Variants in UIMC1 observed in about 807,000 individuals in gnomAD.
The protein encoded by UIMC1 is BRCA1-A complex subunit RAP80.
UIMC1 carries 42 observed loss-of-function variants against 84.9 expected under a neutral mutation model. The observed-to-expected ratio is 0.49, with a 90% CI of 0.39 to 0.64. The LOEUF is 0.64. Ranked by LOEUF, UIMC1 falls within the 30% of genes least tolerant of loss-of-function variation. The pLI is 0.00. For missense variants in UIMC1, 825 were observed against 847.6 expected (o/e 0.97, Z 0.33); for synonymous variants, 281 against 293.0 (o/e 0.96, Z 0.42).
chr5:176,978,357 AGC>A (rs1770482277), intron 2 of UIMC1, among the ~76,000 whole-genome samples: 1 of 152,206 alleles, frequency 6.6e-6, no homozygotes. Flanking sequence ...TGGGCGACAG[AGC>A]GAGACTCTGT....
At chr5:176,979,745 T>TAAC (rs1487678931) in intron 2 of UIMC1, among the ~76,000 whole-genome samples, 1 of 152,216 alleles carries the variant, frequency 6.6e-6, no homozygotes, top group Non-Finnish European at 1.5e-5. Context: ...CCTGTATGCA[T>TAAC]AACATATATG....
chr5:176,917,587 A>G (rs1042029479), intron 10 of UIMC1, among the ~76,000 whole-genome samples: 1 of 152,200 alleles, frequency 6.6e-6, no homozygotes, highest in African/African-American at 2.4e-5. Context: ...AAACAAAAAC[A>G]AAAACAAAAA....
chr5:176,946,213 C>T (rs1415668388), intron 9 of UIMC1, among the ~76,000 whole-genome samples: 1 of 152,140 alleles, frequency 6.6e-6, no homozygotes, highest in Non-Finnish European at 1.5e-5. Flanking sequence ...CTCAACCTGC[C>T]GATCTGCCTA....
intron 9 of UIMC1, among the ~76,000 whole-genome samples, chr5:176,945,594 G>A (rs1764994048): frequency 6.6e-6 from 1 of 152,176 alleles, no homozygotes; most frequent in Admixed American, 6.5e-5. Flanking sequence ...TCCTATCCCA[G>A]AAAAAGATGT....
chr5:176,920,586 C>T (rs1360689253), intron 10 of UIMC1, among the ~76,000 whole-genome samples: 1 of 151,940 alleles, frequency 6.6e-6, no homozygotes, highest in Non-Finnish European at 1.5e-5. Context: ...TCAGATTGTT[C>T]ACTGCTAGTG....
At chr5:176,989,840 C>T (rs1772547585) in intron 1 of UIMC1, among the ~76,000 whole-genome samples, 1 of 151,952 alleles carries the variant, frequency 6.6e-6, no homozygotes, top group Non-Finnish European at 1.5e-5. Flanking sequence ...GTTTGTGTCC[C>T]TCCAAAATTC....
chr5:176,997,625 C>T lies in UIMC1; in HGVS notation c.-9+9025G>A, dbSNP rs1302292559. 4.9e-5 allele frequency among the ~76,000 whole-genome samples: 7 copies of T among 143,322 alleles called. No individual in the cohort carries two copies. The South Asian group carries it at 1.5e-3, about 31-fold the overall frequency. 94.0% of individuals were successfully genotyped at this position (143,322 alleles called of 152,430 possible). A position where few individuals can be genotyped will look rare whatever the true frequency, so the allele number is the denominator to read the frequency against. ...CCGTGAACCCAGGAGACGGAGCTTG[C>T]AGTGAGCAGAGATTGCACCACTGCA... On this transcript the variant is annotated intron_variant, in intron 1 of 14. Coordinates refer to ENST00000511320, the MANE Select transcript of UIMC1 (RefSeq NM_001199298.2).
intron 1 of UIMC1, among the ~76,000 whole-genome samples, chr5:177,002,445 T>G (rs1774661379): frequency 6.6e-6 from 1 of 152,208 alleles, no homozygotes; most frequent in Non-Finnish European, 1.5e-5. Flanking sequence ...CACATTGAAC[T>G]GTACAATTAA....
At chr5:176,970,033 G>A (rs768115156) in intron 4 of UIMC1, 22 of 208,528 alleles carry the variant, frequency 1.1e-4, no homozygotes, top group Non-Finnish European at 2.0e-4. Flanking sequence ...CACTTTGGGA[G>A]GCTGAGGCAG....
At chr5:176,959,996 A>T (rs1434017593) in intron 6 of UIMC1, among the ~76,000 whole-genome samples, 1 of 152,218 alleles carries the variant, frequency 6.6e-6, no homozygotes, top group Non-Finnish European at 1.5e-5. Flanking sequence ...GTGCTATTGC[A>T]CTCCAGCCTG....
At chr5:176,959,062 T>C (rs1054185053) in intron 6 of UIMC1, among the ~76,000 whole-genome samples, 1 of 152,214 alleles carries the variant, frequency 6.6e-6, no homozygotes, top group African/African-American at 2.4e-5. Flanking sequence ...AATGATGAAA[T>C]ACATTTAAAA....
intron 11 of UIMC1, among the ~76,000 whole-genome samples, chr5:176,910,940 T>C (rs1312262262): frequency 1.3e-5 from 2 of 151,754 alleles, no homozygotes; most frequent in African/African-American, 2.4e-5. Flanking sequence ...AAATACAAAA[T>C]TAGCCGGGCG....
chr5:176,927,768 A>AC (rs1762553302), intron 10 of UIMC1, among the ~76,000 whole-genome samples: 5 of 152,204 alleles, frequency 3.3e-5, no homozygotes, highest in Admixed American at 2.0e-4. Context: ...CTGTTTCAAA[A>AC]AAAAACAAAA....
chr5:176,915,891 C>G (rs926216188), intron 10 of UIMC1, among the ~76,000 whole-genome samples: 4 of 151,420 alleles, frequency 2.6e-5, no homozygotes, highest in Non-Finnish European at 5.9e-5. Flanking sequence ...GGCTGCCTCT[C>G]CTGGAAAATA....
At chr5:177,011,677 A>C (rs1043832954), upstream of UIMC1, among the ~76,000 whole-genome samples, 1 of 152,220 alleles carries the variant, frequency 6.6e-6, no homozygotes, top group Non-Finnish European at 1.5e-5. Context: ...AATATATTGA[A>C]TATGACATCA....
At chr5:177,007,131 G>A (rs953512972), upstream of UIMC1, among the ~76,000 whole-genome samples, 46 of 151,972 alleles carry the variant, frequency 3.0e-4, no homozygotes, top group African/African-American at 1.0e-3. Flanking sequence ...ACCTGAGGTC[G>A]GGAGTTCGAG....
At chr5:177,019,035 A>C (rs1274126650) in intron 1 of UIMC1, among the ~76,000 whole-genome samples, 1 of 152,164 alleles carries the variant, frequency 6.6e-6, no homozygotes, top group Non-Finnish European at 1.5e-5. Context: ...AAGATAAATA[A>C]GTAGTTTGTG....
chr5:176,951,473 C>A lies in UIMC1; in HGVS notation c.1443+1G>T. On this transcript the variant is annotated splice_donor_variant, in intron 9 of 14. Transcript: ENST00000511320. LOFTEE classifies it high-confidence loss of function. ...GAAAAAATATAGAGGAAAATATTCA[C>A]CTCCTTATCTGCCATTATTATTCTG... is the stretch of plus-strand genomic sequence containing the variant. 6.6e-7 allele frequency: 1 copy of A among 1,521,518 alleles called. No individual in the cohort carries two copies. Among genetic ancestry groups the A allele is most frequent in the African/African-American group, 1.4e-5 (1 of 70,476 alleles). The allele number at this position is 1,521,518 out of a possible 1,614,324, so 94.3% of individuals were successfully genotyped here.
intron 1 of UIMC1, among the ~76,000 whole-genome samples, chr5:176,993,807 A>C (rs1773218192): frequency 6.6e-6 from 1 of 152,146 alleles, no homozygotes; most frequent in Admixed American, 6.5e-5. Flanking sequence ...CAGGAGTTTG[A>C]GACCAGCCTG....
Sources: allele counts gnomAD v4.1 joint callset (sites outside exome capture counted in the v4.1 genomes callset), GRCh38; gene constraint gnomAD v4.1.1; transcripts MANE v1.5; gene names NCBI Gene and HGNC (gene_info 2026-07-23, HGNC 2026-07-21).